Variants in PSD3 observed in about 807,000 individuals in gnomAD.
PSD3 encodes pleckstrin and Sec7 domain containing 3.
Under a neutral mutation model 105.5 loss-of-function variants are expected in PSD3, and 49 were observed. That is an observed-to-expected ratio of 0.46 (90% CI 0.37 to 0.59). The LOEUF is 0.59. PSD3 is among the 20% of genes least tolerant of loss of function. PSD3 has a pLI of 0.00. For missense variants in PSD3, 1,561 were observed against 1,263.8 expected (o/e 1.24, Z -3.57); for synonymous variants, 557 against 457.8 (o/e 1.22, Z -2.77).
intron 1 of PSD3, among the ~76,000 whole-genome samples, chr8:18,976,823 T>C (rs1040841292): frequency 6.6e-6 from 1 of 152,282 alleles, no homozygotes; most frequent in East Asian, 1.9e-4. Context: ...TTGCTTGTAA[T>C]TGCAAATATC....
intron 1 of PSD3, among the ~76,000 whole-genome samples, chr8:19,051,409 C>A (rs1828525083): frequency 6.6e-6 from 1 of 152,098 alleles, no homozygotes; most frequent in African/African-American, 2.4e-5. Context: ...CAAAACTTGT[C>A]ATCTTTAGTT....
chr8:18,560,788 G>T (rs1168672616), intron 14 of PSD3, among the ~76,000 whole-genome samples: 1 of 152,148 alleles, frequency 6.6e-6, no homozygotes, highest in Non-Finnish European at 1.5e-5. Flanking sequence ...ATGGGCAAAG[G>T]ACTTTGCTAT....
intron 1 of PSD3, among the ~76,000 whole-genome samples, chr8:18,972,698 G>A (rs1450178750): frequency 3.3e-5 from 5 of 152,138 alleles, no homozygotes; most frequent in Non-Finnish European, 5.9e-5. Context: ...AGAAAACTAG[G>A]TAACTCTGTT....
intron 10 of PSD3, among the ~76,000 whole-genome samples, chr8:18,641,893 TG>T (rs1807671910): frequency 6.6e-6 from 1 of 152,174 alleles, no homozygotes; most frequent in Non-Finnish European, 1.5e-5. Context: ...AATGGATCTT[TG>T]TCACTTACCA....
intron 1 of PSD3, among the ~76,000 whole-genome samples, chr8:19,047,601 T>C (rs1828369140): frequency 6.6e-6 from 1 of 152,092 alleles, no homozygotes. Flanking sequence ...TTGCTTCCTT[T>C]ACAACTACAC....
At chr8:18,793,198 G>A (rs1357962719) in intron 8 of PSD3, among the ~76,000 whole-genome samples, 1 of 152,074 alleles carries the variant, frequency 6.6e-6, no homozygotes, top group Non-Finnish European at 1.5e-5. Flanking sequence ...AGGAGGGATA[G>A]CATTAGGAGA....
intron 2 of PSD3, among the ~76,000 whole-genome samples, chr8:18,916,267 T>C (rs1820575310): frequency 7.2e-6 from 1 of 138,770 alleles, no homozygotes; most frequent in Non-Finnish European, 1.5e-5. Context: ...CCTCAGTGTC[T>C]ATGGATTGCT....
chr8:18,638,691 T>C (rs913547261), intron 10 of PSD3, among the ~76,000 whole-genome samples: 66 of 152,146 alleles, frequency 4.3e-4, no homozygotes, highest in African/African-American at 9.7e-5. Context: ...TGTTAAAATA[T>C]ACCTAGTAAC....
intron 9 of PSD3, among the ~76,000 whole-genome samples, chr8:18,717,779 T>C (rs1325999242): frequency 1.3e-5 from 2 of 152,210 alleles, no homozygotes; most frequent in African/African-American, 4.8e-5. Context: ...ACAGCCTGCC[T>C]TGTAATTCTT....
At chr8:18,968,692 T>C (rs547070377) in intron 1 of PSD3, among the ~76,000 whole-genome samples, 12 of 152,084 alleles carry the variant, frequency 7.9e-5, no homozygotes, top group South Asian at 2.1e-4. Context: ...CTGACCAACA[T>C]GGTGAAACCC....
chr8:18,535,478 T>C lies in PSD3; in HGVS notation c.*265A>G. 1 of 464,062 alleles carries C rather than the reference T, an allele frequency of 2.2e-6. No individual in the cohort carries two copies. Among genetic ancestry groups the C allele is most frequent in the East Asian group, 3.7e-5 (1 of 27,056 alleles). 28.7% of individuals were successfully genotyped at this position (464,062 alleles called of 1,614,324 possible). A position where few individuals can be genotyped will look rare whatever the true frequency, so the allele number is the denominator to read the frequency against. ...CAAGAGAAAACCAAAAGAGAAGGGATACATAATTCATTCTGAAATCACGAT... is the reference window on the plus strand; with the variant it reads ...CAAGAGAAAACCAAAAGAGAAGGGACACATAATTCATTCTGAAATCACGAT... On this transcript the variant is annotated 3_prime_UTR_variant, in exon 16 of 16. Coordinates refer to ENST00000327040, the MANE Select transcript of PSD3 (RefSeq NM_015310.4).
At chr8:18,808,996 C>A in intron 4 of PSD3, 1 of 1,260,478 alleles carries the variant, frequency 7.9e-7, no homozygotes, top group Non-Finnish European at 1.0e-6. Context: ...AAAACAGCAG[C>A]CAGAACACAA....
intron 8 of PSD3, among the ~76,000 whole-genome samples, chr8:18,797,933 C>T (rs1810331916): frequency 6.6e-6 from 1 of 152,022 alleles, no homozygotes; most frequent in African/African-American, 2.4e-5. Context: ...GCCAAACGCA[C>T]TCAAAATTTT....
chr8:18,554,190 C>G (rs752141472), intron 15 of PSD3, among the ~76,000 whole-genome samples: 10 of 152,090 alleles, frequency 6.6e-5, no homozygotes, highest in Non-Finnish European at 1.2e-4. Flanking sequence ...AGGGCTCCAG[C>G]GAGGTGCTGA....
At chr8:18,665,559 A>G (rs1799402137) in intron 9 of PSD3, among the ~76,000 whole-genome samples, 1 of 152,274 alleles carries the variant, frequency 6.6e-6, no homozygotes, top group Non-Finnish European at 1.5e-5. Context: ...AAAAGGATTT[A>G]GAATATGAAA....
chr8:18,735,135 A>G (rs1423458144), intron 9 of PSD3, among the ~76,000 whole-genome samples: 5 of 152,200 alleles, frequency 3.3e-5, no homozygotes, highest in African/African-American at 1.2e-4. Context: ...TGAGAAGGGA[A>G]TAATCACCAA....
chr8:18,880,569 C>T (rs562559166), intron 2 of PSD3, among the ~76,000 whole-genome samples: 1 of 152,178 alleles, frequency 6.6e-6, no homozygotes, highest in Non-Finnish European at 1.5e-5. Flanking sequence ...AGGGGTGCTG[C>T]ATCTCCCACG....
chr8:18,564,208 A>T (rs1801586579), intron 14 of PSD3, among the ~76,000 whole-genome samples: 1 of 152,220 alleles, frequency 6.6e-6, no homozygotes, highest in African/African-American at 2.4e-5. Context: ...TTCTTTAAAA[A>T]AGCATCATAT....
intron 1 of PSD3, among the ~76,000 whole-genome samples, chr8:19,075,305 A>C (rs1398527028): frequency 2.0e-5 from 3 of 152,042 alleles, no homozygotes; most frequent in Non-Finnish European, 4.4e-5. Flanking sequence ...TCTCTTACTC[A>C]GTTGGCCAGG....
Sources: allele counts gnomAD v4.1 joint callset (sites outside exome capture counted in the v4.1 genomes callset), GRCh38; gene constraint gnomAD v4.1.1; transcripts MANE v1.5; gene names NCBI Gene and HGNC (gene_info 2026-07-23, HGNC 2026-07-21).